SND1: variants seen among roughly 807,000 people sequenced by gnomAD.
SND1 encodes staphylococcal nuclease domain-containing protein 1.
Under a neutral mutation model 121.7 loss-of-function variants are expected in SND1, and 38 were observed. The observed-to-expected ratio is 0.31, with a 90% confidence interval of 0.24 to 0.41. The LOEUF (loss-of-function observed/expected upper bound fraction) is 0.41. SND1 is among the 10% of genes least tolerant of loss of function. SND1 has a pLI of 1.00. For missense variants in SND1, 868 were observed against 1,184.6 expected (o/e 0.73, Z 3.92); for synonymous variants, 401 against 447.4 (o/e 0.90, Z 1.31).
At chr7:127,825,370 A>C (rs1798623481) in intron 11 of SND1, among the ~76,000 whole-genome samples, 1 of 150,788 alleles carries the variant, frequency 6.6e-6, no homozygotes, top group African/African-American at 2.4e-5. Context: ...TGGCCTCCCA[A>C]AGTGCTGGGG....
At chr7:127,967,687 C>G (rs1423171696) in intron 15 of SND1, among the ~76,000 whole-genome samples, 1 of 152,178 alleles carries the variant, frequency 6.6e-6, no homozygotes, top group African/African-American at 2.4e-5. Context: ...TATCCATATT[C>G]AGTTTTTCTC....
intron 16 of SND1, chr7:127,999,293 C>G (rs567222106): frequency 6.6e-6 from 1 of 152,200 alleles, no homozygotes; most frequent in South Asian, 2.1e-4. Flanking sequence ...CCCTTCCCTT[C>G]CCCTAGGGAA....
intron 4 of SND1, among the ~76,000 whole-genome samples, chr7:127,700,754 A>G (rs541604464): frequency 6.6e-6 from 1 of 152,238 alleles, no homozygotes; most frequent in Admixed American, 6.5e-5. Flanking sequence ...AAACTGAGAG[A>G]GAGAAAGAGT....
intron 21 of SND1, among the ~76,000 whole-genome samples, chr7:128,087,759 G>T (rs1001080199): frequency 6.6e-6 from 1 of 152,148 alleles, no homozygotes; most frequent in Non-Finnish European, 1.5e-5. Flanking sequence ...AGGTGTGATG[G>T]GGAGGAGAGA....
intron 16 of SND1, chr7:128,032,012 C>G (rs1255167463): frequency 2.0e-5 from 3 of 151,582 alleles, no homozygotes; most frequent in Non-Finnish European, 4.4e-5. Flanking sequence ...GCGCGGCGCC[C>G]ACCGTCTCCT....
chr7:128,044,624 TC>T (rs1194647531), intron 16 of SND1, among the ~76,000 whole-genome samples: 15 of 52,390 alleles, frequency 2.9e-4, no homozygotes, highest in Non-Finnish European at 3.2e-4. Context: ...CCCTCCCATC[TC>T]CCCCCCCACC....
chr7:127,713,676 G>A (rs567572476), intron 9 of SND1, among the ~76,000 whole-genome samples: 51 of 152,330 alleles, frequency 3.3e-4, no homozygotes, highest in African/African-American at 1.2e-3. Context: ...TTGATTTCTG[G>A]AACTGAGGCA....
At chr7:127,772,492 G>C (rs1214558977) in intron 10 of SND1, among the ~76,000 whole-genome samples, 1 of 152,134 alleles carries the variant, frequency 6.6e-6, no homozygotes, top group Non-Finnish European at 1.5e-5. Flanking sequence ...GTAATTTTCA[G>C]GGTTGGAAGA....
chr7:127,679,798 T>C (rs1183452836), intron 1 of SND1, among the ~76,000 whole-genome samples: 1 of 152,250 alleles, frequency 6.6e-6, no homozygotes, highest in Non-Finnish European at 1.5e-5. Context: ...ATATTCCAAT[T>C]GTATGGATAT....
intron 10 of SND1, among the ~76,000 whole-genome samples, chr7:127,768,071 A>G (rs750220230): frequency 1.3e-5 from 2 of 152,180 alleles, no homozygotes; most frequent in Non-Finnish European, 2.9e-5. Context: ...ATAATTGAAT[A>G]TGCCGCAGCT....
intron 1 of SND1, among the ~76,000 whole-genome samples, chr7:127,663,462 C>T (rs1562970858): frequency 6.6e-6 from 1 of 151,714 alleles, no homozygotes; most frequent in Non-Finnish European, 1.5e-5. Flanking sequence ...ACCTCCACCT[C>T]TCGGGTTCAA....
rs74647074 is a variant in SND1 at position 127,956,354 on chromosome 7, C to T, written c.1669+27025C>T. Among the ~76,000 whole-genome samples, 460 of 152,318 alleles carry T rather than the reference C, an allele frequency of 3.0e-3. 20 individuals are homozygous for T. In the East Asian group the frequency reaches 0.07, roughly 23 times the overall value. Reference sequence around the variant, plus strand: ...CCCTGCATTTATAGCTGGACTGTGGCAGATACATCTGGATACTTTGTCTCC... The same window carrying T: ...CCCTGCATTTATAGCTGGACTGTGGTAGATACATCTGGATACTTTGTCTCC... On this transcript the variant is annotated intron_variant, in intron 15 of 23. Transcript: ENST00000354725.
At chr7:128,018,835 G>A (rs929450484) in intron 16 of SND1, among the ~76,000 whole-genome samples, 1 of 152,182 alleles carries the variant, frequency 6.6e-6, no homozygotes, top group East Asian at 1.9e-4. Flanking sequence ...AGAGTGGAGA[G>A]GACAGAATAA....
chr7:127,900,539 C>T (rs1800208364), intron 13 of SND1, among the ~76,000 whole-genome samples: 1 of 152,178 alleles, frequency 6.6e-6, no homozygotes, highest in South Asian at 2.1e-4. Context: ...AAAATGTTGT[C>T]TGCCTTTGCA....
intron 10 of SND1, among the ~76,000 whole-genome samples, chr7:127,784,213 A>C (rs1390391740): frequency 6.6e-6 from 1 of 152,282 alleles, no homozygotes; most frequent in East Asian, 1.9e-4. Flanking sequence ...ATGACTGTTC[A>C]TTTCTTCTTT....
intron 15 of SND1, among the ~76,000 whole-genome samples, chr7:127,946,372 C>T (rs901182370): frequency 6.6e-6 from 1 of 152,192 alleles, no homozygotes; most frequent in African/African-American, 2.4e-5. Flanking sequence ...ACTGCTCTGG[C>T]ACTTCTAATG....
chr7:127,925,995 G>C (rs1409354640), intron 14 of SND1, among the ~76,000 whole-genome samples: 1 of 151,362 alleles, frequency 6.6e-6, no homozygotes, highest in Non-Finnish European at 1.5e-5. Flanking sequence ...GAAGCACATT[G>C]CTACTTGCAC....
rs114651560 is a variant in SND1, at chr7:128,048,668, G to C, written c.1780-25834G>C. Among the ~76,000 whole-genome samples the C allele has an allele frequency of 6.8e-3, 1,043 of 152,276 alleles. 14 individuals are homozygous for C. The highest frequency in any genetic ancestry group is 0.024 in the African/African-American group (1,002 of 41,534). On this transcript the variant is annotated intron_variant, in intron 16 of 23. Coordinates refer to ENST00000354725, the MANE Select transcript of SND1 (RefSeq NM_014390.4). Reference sequence around the variant, plus strand: ...GGTGGCCTGTCCAGCTGCAGTGGCTGTGGAGAGTGCTGCTGGGACCAGTTT... The same window carrying C: ...GGTGGCCTGTCCAGCTGCAGTGGCTCTGGAGAGTGCTGCTGGGACCAGTTT...
At chr7:127,888,856 T>C (rs1051682281) in intron 13 of SND1, among the ~76,000 whole-genome samples, 2 of 152,152 alleles carry the variant, frequency 1.3e-5, no homozygotes, top group African/African-American at 2.4e-5. Context: ...AGTTTGGTAA[T>C]TGTCAGGTTA....
Sources: gnomAD v4.1 joint callset for allele counts (sites outside exome capture counted in the v4.1 genomes callset) on GRCh38, gnomAD v4.1.1 for gene constraint, MANE v1.5 for transcripts, NCBI Gene and HGNC (gene_info 2026-07-23, HGNC 2026-07-21) for gene names.